ALMS1: variants seen among roughly 807,000 people sequenced by gnomAD.
ALMS1 encodes the protein centrosome-associated protein ALMS1.
In ALMS1, 271 loss-of-function variants were observed where a neutral mutation model predicts 352.2. The observed-to-expected ratio is 0.77, with a 90% CI of 0.70 to 0.85. ALMS1 has a LOEUF of 0.85. ALMS1 is among the 40% of genes least tolerant of loss of function. ALMS1 has a pLI of 0.00. For synonymous variants in ALMS1, 1,865 were observed against 1,761.2 expected, an observed-to-expected ratio of 1.06 and a Z score of -1.48; for missense variants, 5,445 against 4,870.7, an observed-to-expected ratio of 1.12 and a Z score of -3.51.
intron 11 of ALMS1, 40 bp downstream of exon 11, chr2:73,520,056 T>C: frequency 6.2e-7 from 1 of 1,613,174 alleles, no homozygotes; most frequent in Non-Finnish European, 8.5e-7. Flanking sequence ...TTAGACCAGC[T>C]CTTTTGTGTA....
intron 10 of ALMS1, among the ~76,000 whole-genome samples, chr2:73,515,802 CACAA>C (rs1301371523): frequency 6.7e-6 from 1 of 149,474 alleles, no homozygotes; most frequent in Non-Finnish European, 1.5e-5. Context: ...CACACACACA[CACAA>C]ACTCAGAGAC....
At chr2:73,542,170 A>G (rs1009529898) in intron 12 of ALMS1, among the ~76,000 whole-genome samples, 1 of 152,208 alleles carries the variant, frequency 6.6e-6, no homozygotes, top group African/African-American at 2.4e-5. Context: ...CTTACTCACC[A>G]TGATGAAGTG....
intron 12 of ALMS1, among the ~76,000 whole-genome samples, chr2:73,541,019 G>T (rs572436384): frequency 6.6e-6 from 1 of 152,302 alleles, no homozygotes; most frequent in South Asian, 2.1e-4. Flanking sequence ...GCATGAAGCA[G>T]ACCTAACAGA....
intron 9 of ALMS1, among the ~76,000 whole-genome samples, chr2:73,463,024 C>T (rs1331855533): frequency 1.3e-5 from 2 of 152,132 alleles, no homozygotes; most frequent in Non-Finnish European, 2.9e-5. Flanking sequence ...TTTAACACCC[C>T]ACTGTCAACA....
At chr2:73,414,455 T>C (rs568259881) in intron 2 of ALMS1, among the ~76,000 whole-genome samples, 3 of 150,394 alleles carry the variant, frequency 2.0e-5, no homozygotes, top group South Asian at 2.1e-4. Context: ...TAAATAGATA[T>C]GTCATTTCTT....
At chr2:73,506,015 G>C (rs1572980764) in intron 10 of ALMS1, among the ~76,000 whole-genome samples, 1 of 152,168 alleles carries the variant, frequency 6.6e-6, no homozygotes, top group African/African-American at 2.4e-5. Flanking sequence ...CATATGGCTA[G>C]TCAGTTTTCC....
intron 16 of ALMS1, among the ~76,000 whole-genome samples, chr2:73,589,423 G>C (rs1003629842): frequency 1.3e-5 from 2 of 152,100 alleles, no homozygotes; most frequent in Non-Finnish European, 2.9e-5. Context: ...CAGTGCCAAG[G>C]GTTGAGTTAA....
Position 73,386,212 on chromosome 2 carries a change from G to A in ALMS1, c.324+20G>A. 2.0e-6 allele frequency: 3 copies of A among 1,505,752 alleles called. No individual in the cohort carries two copies. Among genetic ancestry groups the A allele is most frequent in the Non-Finnish European group, 2.7e-6 (3 of 1,123,876 alleles). The allele number at this position is 1,505,752 out of a possible 1,614,324, so 93.3% of individuals were successfully genotyped here. A position where few individuals can be genotyped will look rare whatever the true frequency, so the allele number is the denominator to read the frequency against. On this transcript the variant is annotated intron_variant, in intron 1 of 22. Coordinates refer to ENST00000613296, the MANE Select transcript of ALMS1 (RefSeq NM_001378454.1). ...GAGAAGGTGAGGCGGGCCGGGGAGG[G>A]GTGTGGAGCCGCGGCGAGTTGGGGG... is the stretch of plus-strand genomic sequence containing the variant.
intron 7 of ALMS1, among the ~76,000 whole-genome samples, chr2:73,438,650 TCTG>T (rs879749117): frequency 0.044 from 6,644 of 152,262 alleles, 359 homozygotes; most frequent in African/African-American, 0.1. Flanking sequence ...AGTTAAGCTT[TCTG>T]AAGGAGCATG....
chr2:73,592,399 A>T (rs190842654), intron 16 of ALMS1, among the ~76,000 whole-genome samples: 1 of 152,312 alleles, frequency 6.6e-6, no homozygotes, highest in African/African-American at 2.4e-5. Context: ...GTGATGAGTA[A>T]ATTTTATTGA....
chr2:73,482,332 A>T (rs377236822), intron 9 of ALMS1, among the ~76,000 whole-genome samples: 5 of 152,104 alleles, frequency 3.3e-5, no homozygotes, highest in Non-Finnish European at 7.4e-5. Context: ...TCTATTGAGA[A>T]AATCATGTGG....
chr2:73,600,638 CA>C, intron 17 of ALMS1, 39 bp from the exon 18 acceptor site: 1 of 1,564,540 alleles, frequency 6.4e-7, no homozygotes, highest in Non-Finnish European at 8.7e-7. Context: ...AACTCAGCCT[CA>C]AGGTTACTCC....
chr2:73,471,469 A>G lies in ALMS1; in HGVS notation c.7674+16174A>G, dbSNP rs570007736. 3.9e-4 allele frequency among the ~76,000 whole-genome samples: 56 copies of G among 144,718 alleles called. 1 individual carries two copies. Among genetic ancestry groups the G allele is most frequent in the African/African-American group, 1.4e-3 (53 of 38,128 alleles). The allele number at this position is 144,718 out of a possible 152,430, so 94.9% of individuals were successfully genotyped here. ...TGAGGGGTTAATATCCAAAGTATAT[A>G]AGGAACACCTGCAACTCAACAGCCA... On this transcript the variant is annotated intron_variant, in intron 9 of 22. Transcript: ENST00000613296.
At chr2:73,599,259 T>G in intron 16 of ALMS1, 142 bp from the exon 17 acceptor site, 1 of 1,078,662 alleles carries the variant, frequency 9.3e-7, no homozygotes, top group Non-Finnish European at 1.4e-6. Context: ...AGGCAGCAAG[T>G]TCACAGTATC....
intron 9 of ALMS1, among the ~76,000 whole-genome samples, chr2:73,460,818 C>T (rs571860795): frequency 9.8e-4 from 150 of 152,350 alleles, no homozygotes; most frequent in African/African-American, 3.4e-3. Context: ...GAGGGTCCTA[C>T]GCCCACAGAG....
Position 73,573,235 on chromosome 2 carries a change from C to G in ALMS1, c.11358C>G (p.Asp3786Glu), listed in dbSNP as rs1429287634. The change falls in exon 16 of 23, where the codon GAC becomes GAG. Residue 3786 changes from aspartate (D) to glutamate (E), a missense_variant. By Grantham distance (45) the Asp-to-Glu change is conservative. Coordinates refer to ENST00000613296, the MANE Select transcript of ALMS1 (RefSeq NM_001378454.1). Reference sequence around the variant, plus strand: ...GGAGTAGCTCTGTTTCCACTATTGACACTGCCCGGCTGATTCAAGCTTTTG... The same window carrying G: ...GGAGTAGCTCTGTTTCCACTATTGAGACTGCCCGGCTGATTCAAGCTTTTG... Reference protein sequence around the residue: ...HERSSSVSTIDTARLIQAFGH... With the variant: ...HERSSSVSTIETARLIQAFGH... 6.2e-7 allele frequency: 1 copy of G among 1,613,412 alleles called. No individual in the cohort carries two copies. The highest frequency in any genetic ancestry group is 2.2e-5 in the East Asian group (1 of 44,882).
At chr2:73,546,081 C>G (rs752553612) in intron 12 of ALMS1, among the ~76,000 whole-genome samples, 1 of 152,138 alleles carries the variant, frequency 6.6e-6, no homozygotes, top group Admixed American at 6.5e-5. Context: ...TGAGCAGACA[C>G]GATGTCAATT....
Position 73,451,820 on chromosome 2 carries a change from C to G in ALMS1, c.5293C>G (p.Pro1765Ala), listed in dbSNP as rs754512552. The change falls in exon 8 of 23, where the codon CCT (proline) becomes GCT (alanine). Residue 1765 changes from proline to alanine, a missense_variant. Transcript: ENST00000613296. Reference sequence around the variant, plus strand: ...CTCTTTCTATTCACATACAGAGAAGCCTAATATTTCTTACCAGCAAGAGTT... The same window carrying G: ...CTCTTTCTATTCACATACAGAGAAGGCTAATATTTCTTACCAGCAAGAGTT... ...TSSFYSHTEK[P>A]NISYQQELPD... 1 of 1,613,818 alleles carries G rather than the reference C, an allele frequency of 6.2e-7. No homozygotes were observed. The highest frequency in any genetic ancestry group is 1.1e-5 in the South Asian group (1 of 91,066).
intron 16 of ALMS1, among the ~76,000 whole-genome samples, chr2:73,596,438 T>A (rs1675550018): frequency 1.3e-5 from 2 of 152,126 alleles, no homozygotes; most frequent in Admixed American, 1.3e-4. Flanking sequence ...TCATTTGGAA[T>A]TTTCATTCTG....
Sources: allele counts gnomAD v4.1 joint callset (sites outside exome capture counted in the v4.1 genomes callset), GRCh38; gene constraint gnomAD v4.1.1; transcripts MANE v1.5; gene names NCBI Gene and HGNC (gene_info 2026-07-23, HGNC 2026-07-21).